Variants in RGS5 observed in about 807,000 individuals in gnomAD.
The protein encoded by RGS5 is regulator of G protein signaling 5.
A neutral mutation model predicts 18.9 loss-of-function variants in RGS5; 20 were observed. The ratio of observed to expected loss-of-function variants is 1.06; its 90% CI spans 0.74 to 1.54. RGS5 has a LOEUF of 1.54. RGS5 is among the 40% of genes most tolerant of loss of function. The probability of loss-of-function intolerance (pLI) is 0.00; values close to 1 mark genes in which losing one functional copy is unlikely to be tolerated. For missense variants in RGS5, 201 were observed against 211.8 expected (o/e 0.95, Z 0.32); for synonymous variants, 57 against 76.2 (o/e 0.75, Z 1.31).
intron 1 of RGS5, among the ~76,000 whole-genome samples, chr1:163,198,362 A>T (rs1009743337): frequency 6.6e-6 from 1 of 152,122 alleles, no homozygotes; most frequent in Non-Finnish European, 1.5e-5. Context: ...GATCTATGCC[A>T]GTCACCCAGA....
At chr1:163,295,605 C>T (rs1277433633) in intron 2 of RGS5, among the ~76,000 whole-genome samples, 1 of 152,150 alleles carries the variant, frequency 6.6e-6, no homozygotes, top group African/African-American at 2.4e-5. Context: ...CAGATGAGTA[C>T]ATGCAAATTG....
chr1:163,173,697 G>C (rs1420947440), intron 1 of RGS5, among the ~76,000 whole-genome samples: 1 of 152,182 alleles, frequency 6.6e-6, no homozygotes, highest in South Asian at 2.1e-4. Flanking sequence ...GAGACACTTG[G>C]AACAATTGAA....
At chr1:163,316,002 A>G (rs895029901) in intron 1 of RGS5, among the ~76,000 whole-genome samples, 2 of 152,240 alleles carry the variant, frequency 1.3e-5, no homozygotes, top group African/African-American at 4.8e-5. Flanking sequence ...CTGTATATTC[A>G]AAAGTGTTAC....
intron 1 of RGS5, among the ~76,000 whole-genome samples, chr1:163,178,595 G>T (rs954376431): frequency 1.3e-5 from 2 of 152,076 alleles, no homozygotes; most frequent in Non-Finnish European, 2.9e-5. Flanking sequence ...CACACAAGGG[G>T]CTCTAGCTTC....
chr1:163,151,363 T>C (rs960757325), intron 4 of RGS5, among the ~76,000 whole-genome samples: 2 of 152,012 alleles, frequency 1.3e-5, no homozygotes, highest in Non-Finnish European at 2.9e-5. Context: ...AAGAGAGGTG[T>C]TTAAAGGAAA....
chr1:163,183,822 T>C (rs1658956657), intron 1 of RGS5, among the ~76,000 whole-genome samples: 1 of 152,166 alleles, frequency 6.6e-6, no homozygotes, highest in Admixed American at 6.5e-5. Context: ...TGGTATTGGC[T>C]TGGATCCCAA....
intron 2 of RGS5, among the ~76,000 whole-genome samples, chr1:163,283,687 T>A (rs1178983074): frequency 6.6e-6 from 1 of 152,152 alleles, no homozygotes; most frequent in Non-Finnish European, 1.5e-5. Flanking sequence ...CTCTAGAGAC[T>A]CTCCTAATTC....
chr1:163,217,649 T>C (rs1469840193), upstream of RGS5: 1 of 1,513,224 alleles, frequency 6.6e-7, no homozygotes, highest in East Asian at 2.5e-5. Context: ...CCTGGGCTAG[T>C]GTTCCTTAGA....
intron 2 of RGS5, among the ~76,000 whole-genome samples, chr1:163,226,927 C>T (rs1442701159): frequency 1.3e-5 from 2 of 152,176 alleles, no homozygotes; most frequent in Admixed American, 6.5e-5. Flanking sequence ...AAACATTGGA[C>T]ATTTTTAAAA....
At chr1:163,156,633 C>A (rs530944057) in intron 3 of RGS5, among the ~76,000 whole-genome samples, 2 of 152,114 alleles carry the variant, frequency 1.3e-5, no homozygotes, top group South Asian at 2.1e-4. Flanking sequence ...GTGCACCTAA[C>A]ATTTAATAGA....
At chr1:163,159,702 C>T (rs1445340605) in intron 3 of RGS5, among the ~76,000 whole-genome samples, 1 of 151,998 alleles carries the variant, frequency 6.6e-6, no homozygotes, top group African/African-American at 2.4e-5. Flanking sequence ...AATTAATTGC[C>T]CAGGTCTTAA....
intron 2 of RGS5, among the ~76,000 whole-genome samples, chr1:163,276,824 G>A (rs1434120852): frequency 6.6e-6 from 1 of 152,164 alleles, no homozygotes; most frequent in Non-Finnish European, 1.5e-5. Flanking sequence ...GCCAGAAGGG[G>A]AAGATTGTAA....
chr1:163,269,426 G>A (rs896944822), intron 2 of RGS5, among the ~76,000 whole-genome samples: 2 of 152,112 alleles, frequency 1.3e-5, no homozygotes, highest in Non-Finnish European at 2.9e-5. Flanking sequence ...CAGGGCCAGA[G>A]GGGTTTAAGA....
intron 2 of RGS5, among the ~76,000 whole-genome samples, chr1:163,296,734 T>C (rs1367231707): frequency 4.6e-5 from 7 of 152,298 alleles, no homozygotes. Flanking sequence ...TTCTGGATTG[T>C]GAAACTTCTT....
chr1:163,186,100 C>A (rs934091045), intron 1 of RGS5, among the ~76,000 whole-genome samples: 4 of 144,026 alleles, frequency 2.8e-5, no homozygotes, highest in African/African-American at 1.0e-4. Context: ...GACATAGAGT[C>A]TTGCTCTGTC....
In RGS5 at chr1:163,223,589, A is replaced by G. The variant is rs375901299; in HGVS notation, c.-280-55221T>C. On this transcript the variant is annotated intron_variant, in intron 2 of 5. Transcript: ENST00000618415. ...CTCTTTAAGCTAGGAAAGATCTAAC[A>G]TCTCACCCTCATTAGACATAGCCCA... Among the ~76,000 whole-genome samples the G allele has an allele frequency of 6.5e-4, 99 of 152,236 alleles. No individual in the cohort carries two copies. The South Asian group carries it at 0.02, about 31-fold the overall frequency.
intron 1 of RGS5, among the ~76,000 whole-genome samples, chr1:163,320,850 G>A (rs1239370385): frequency 1.3e-5 from 2 of 152,108 alleles, no homozygotes; most frequent in African/African-American, 2.4e-5. Context: ...ACAAAGCAGC[G>A]GAATTTGTGT....
At chr1:163,264,513 T>C (rs1373561768) in intron 2 of RGS5, among the ~76,000 whole-genome samples, 4 of 152,198 alleles carry the variant, frequency 2.6e-5, no homozygotes, top group Admixed American at 2.6e-4. Context: ...TTGAGCATTC[T>C]AGTGTGACTC....
chr1:163,224,001 T>C (rs773101452), intron 2 of RGS5, among the ~76,000 whole-genome samples: 8 of 152,216 alleles, frequency 5.3e-5, no homozygotes, highest in Non-Finnish European at 8.8e-5. Flanking sequence ...TGTTGTGTAA[T>C]GATCAAATCA....
Sources: gnomAD v4.1 joint callset for allele counts (sites outside exome capture counted in the v4.1 genomes callset) on GRCh38, gnomAD v4.1.1 for gene constraint, MANE v1.5 for transcripts, NCBI Gene and HGNC (gene_info 2026-07-23, HGNC 2026-07-21) for gene names.